The following AMPH variants were observed in gnomAD, a reference collection of about 807,000 sequenced individuals.
AMPH encodes the protein amphiphysin (Stiff-Mann syndrome with breast cancer 128kD autoantigen).
Under a neutral mutation model 99.1 loss-of-function variants are expected in AMPH, and 49 were observed. That is an observed-to-expected ratio of 0.49 (90% CI 0.39 to 0.63). The LOEUF (loss-of-function observed/expected upper bound fraction) is 0.63, where lower values mean the gene tolerates loss of function less well. Among genes scored for constraint, AMPH ranks in the 20% least tolerant of loss-of-function variants. AMPH has a pLI of 0.00. For missense variants in AMPH, 759 were observed against 863.4 expected (o/e 0.88, Z 1.52); for synonymous variants, 314 against 317.3 (o/e 0.99, Z 0.11).
chr7:38,610,316 G>GAA (rs11317503), intron 1 of AMPH, among the ~76,000 whole-genome samples: 3 of 25,450 alleles, frequency 1.2e-4, no homozygotes, highest in African/African-American at 6.3e-4. Flanking sequence ...GAAAAGAAAA[G>GAA]AAAAGAAAAG....
At chr7:38,446,851 CT>C (rs1786805097) in intron 11 of AMPH, among the ~76,000 whole-genome samples, 1 of 152,028 alleles carries the variant, frequency 6.6e-6, no homozygotes, top group Non-Finnish European at 1.5e-5. Flanking sequence ...TGGGTTAAAC[CT>C]ACCATAGCAC....
chr7:38,592,726 G>A (rs1327936597), intron 1 of AMPH, among the ~76,000 whole-genome samples: 6 of 137,490 alleles, frequency 4.4e-5, no homozygotes, highest in Non-Finnish European at 6.3e-5. Context: ...GCAAGACTCC[G>A]TCTCAAAAAA....
rs148159538 is a variant in AMPH, at chr7:38,629,829, G to A, written c.69+1454C>T. On this transcript the variant is annotated intron_variant, in intron 1 of 20. Coordinates refer to ENST00000356264, the MANE Select transcript of AMPH (RefSeq NM_001635.4). ...TGCACAAGTAACCCGGGCCTGGAAG[G>A]CAGCAGGCAGCCTTGCTAATTCAGC... 3.9e-5 allele frequency among the ~76,000 whole-genome samples: 6 copies of A among 152,340 alleles called. No individual in the cohort carries two copies. The East Asian group carries it at 1.2e-3, about 29-fold the overall frequency.
chr7:38,541,124 A>G (rs1422693647), intron 1 of AMPH, among the ~76,000 whole-genome samples: 1 of 151,796 alleles, frequency 6.6e-6, no homozygotes, highest in Non-Finnish European at 1.5e-5. Flanking sequence ...GCCTCTTCTG[A>G]ACAGGACATG....
At chr7:38,423,253 A>T (rs1029932977) in intron 15 of AMPH, among the ~76,000 whole-genome samples, 2 of 152,234 alleles carry the variant, frequency 1.3e-5, no homozygotes, top group African/African-American at 4.8e-5. Context: ...AAATATGTTC[A>T]TTGACCTAAA....
intron 3 of AMPH, among the ~76,000 whole-genome samples, chr7:38,498,731 C>T (rs979753297): frequency 1.6e-4 from 24 of 152,198 alleles, no homozygotes. Context: ...TTCTAAAATG[C>T]TAATCTGATC....
chr7:38,600,090 G>T (rs375910908), intron 1 of AMPH, among the ~76,000 whole-genome samples: 1 of 151,806 alleles, frequency 6.6e-6, no homozygotes, highest in Non-Finnish European at 1.5e-5. Context: ...AGGTAACAAG[G>T]TTTTTAAAAT....
At chr7:38,465,218 C>T (rs1387392601) in intron 9 of AMPH, among the ~76,000 whole-genome samples, 1 of 152,102 alleles carries the variant, frequency 6.6e-6, no homozygotes, top group Non-Finnish European at 1.5e-5. Context: ...TATCAGGCCT[C>T]ATGGAAAGCA....
At chr7:38,445,971 G>A (rs534619556) in intron 11 of AMPH, among the ~76,000 whole-genome samples, 2 of 152,262 alleles carry the variant, frequency 1.3e-5, no homozygotes, top group Admixed American at 6.5e-5. Flanking sequence ...CTCCTGCCAT[G>A]TTAGACACCT....
chr7:38,455,003 G>A (rs1015465148), intron 11 of AMPH, among the ~76,000 whole-genome samples: 1 of 152,094 alleles, frequency 6.6e-6, no homozygotes, highest in Non-Finnish European at 1.5e-5. Flanking sequence ...TCAGTGATTT[G>A]GGAAGACTAA....
chr7:38,611,436 T>C (rs1448416293), intron 1 of AMPH, among the ~76,000 whole-genome samples: 2 of 152,210 alleles, frequency 1.3e-5, no homozygotes, highest in Non-Finnish European at 2.9e-5. Context: ...CTTCAGAATT[T>C]GTTAAGAAGG....
chr7:38,420,370 T>G lies in AMPH; in HGVS notation c.1272+2051A>C, dbSNP rs147070052. ...GTCCTGTGGGAATTGTGCCCTACCTTCACTGTTTTTCCTACAAGATGCCTC... is the reference window on the plus strand; with the variant it reads ...GTCCTGTGGGAATTGTGCCCTACCTGCACTGTTTTTCCTACAAGATGCCTC... On this transcript the variant is annotated intron_variant, in intron 16 of 20. Coordinates refer to ENST00000356264, the MANE Select transcript of AMPH (RefSeq NM_001635.4). Among the ~76,000 whole-genome samples the G allele has an allele frequency of 1.1e-4, 17 of 152,340 alleles. No homozygotes were observed. The East Asian group carries it at 1.3e-3, about 12-fold the overall frequency.
intron 17 of AMPH, among the ~76,000 whole-genome samples, chr7:38,403,347 G>A (rs982029173): frequency 2.0e-5 from 3 of 152,210 alleles, no homozygotes; most frequent in Non-Finnish European, 4.4e-5. Context: ...AATTGTCAGA[G>A]AGCACCTCTG....
In AMPH at chr7:38,631,322, G is replaced by T. The variant is rs1369908712; in HGVS notation, c.30C>A (p.Ala10=). ...GGTTGAGTCGCTTCTGGACGTTCTTGGCGAAGATGCCCGTCTTGATGTCGG... is the reference window on the plus strand; with the variant it reads ...GGTTGAGTCGCTTCTGGACGTTCTTTGCGAAGATGCCCGTCTTGATGTCGG... MADIKTGIF[A]KNVQKRLNRA... is the part of the protein sequence containing the mutation. The change falls in exon 1 of 21, where the codon GCC becomes GCA. Residue 10 remains alanine, a synonymous_variant. Coordinates refer to ENST00000356264, the MANE Select transcript of AMPH (RefSeq NM_001635.4). 2 of 1,549,460 alleles carry T rather than the reference G, an allele frequency of 1.3e-6. No individual in the cohort carries two copies. The highest frequency in any genetic ancestry group is 1.4e-5 in the African/African-American group (1 of 71,230).
rs144073661 is a variant in AMPH, at chr7:38,410,387, TG to T, written c.1398+7437del. 5.7e-3 allele frequency among the ~76,000 whole-genome samples: 871 copies of T among 152,274 alleles called. 14 individuals are homozygous for T. The highest frequency in any genetic ancestry group is 0.02 in the African/African-American group (821 of 41,562). On this transcript the variant is annotated intron_variant, in intron 17 of 20. Transcript: ENST00000356264. Reference sequence around the variant, plus strand: ...CCAACCCAGATGGCAGTGTGGGGCCTGAAGCTTGAGGAGGGGCAGGCAGCTG... The same window carrying T: ...CCAACCCAGATGGCAGTGTGGGGCCTAAGCTTGAGGAGGGGCAGGCAGCTG...
At chr7:38,602,951 G>A (rs1237060529) in intron 1 of AMPH, among the ~76,000 whole-genome samples, 3 of 152,160 alleles carry the variant, frequency 2.0e-5, no homozygotes, top group Non-Finnish European at 4.4e-5. Flanking sequence ...ATGGAAGGCT[G>A]AAAGTTGCCT....
At chr7:38,388,048 A>G (rs68005665) in intron 20 of AMPH, among the ~76,000 whole-genome samples, 12,863 of 152,214 alleles carry the variant, frequency 0.085, 706 homozygotes, top group Middle Eastern at 0.14. Context: ...AGACATTTTC[A>G]GATATACAGA....
intron 2 of AMPH, among the ~76,000 whole-genome samples, chr7:38,525,277 TAGAGAGAGAG>T (rs66462162): frequency 0.11 from 9,442 of 86,334 alleles, 463 homozygotes; most frequent in Non-Finnish European, 0.14. Flanking sequence ...TATATATATA[TAGAGAGAGAG>T]AGAGAGAGAG....
intron 1 of AMPH, among the ~76,000 whole-genome samples, chr7:38,570,999 C>T (rs1471291380): frequency 0.054 from 343 of 6,300 alleles, 94 homozygotes; most frequent in African/African-American, 0.19. Context: ...TATATATATT[C>T]ATATATATAG....
Sources: gnomAD v4.1 joint callset for allele counts (sites outside exome capture counted in the v4.1 genomes callset) on GRCh38, gnomAD v4.1.1 for gene constraint, MANE v1.5 for transcripts, NCBI Gene and HGNC (gene_info 2026-07-23, HGNC 2026-07-21) for gene names.